The following GRIK4 variants were observed in gnomAD, a reference collection of about 807,000 sequenced individuals.
The protein encoded by GRIK4 is glutamate ionotropic receptor kainate type subunit 4.
GRIK4 carries 40 observed loss-of-function variants against 104.9 expected under a neutral mutation model. That is an observed-to-expected ratio of 0.38 (90% CI 0.30 to 0.50). The LOEUF (loss-of-function observed/expected upper bound fraction) is 0.50, where lower values mean the gene tolerates loss of function less well. Ranked by LOEUF, GRIK4 falls within the 20% of genes least tolerant of loss-of-function variation. The probability of loss-of-function intolerance (pLI) is 0.93; values close to 1 mark genes in which losing one functional copy is unlikely to be tolerated. For synonymous variants in GRIK4, 485 were observed against 524.9 expected, an observed-to-expected ratio of 0.92 and a Z score of 1.04; for missense variants, 1,047 against 1,308.1, an observed-to-expected ratio of 0.80 and a Z score of 3.08.
At chr11:120,596,022 T>G (rs1465536850) in intron 1 of GRIK4, among the ~76,000 whole-genome samples, 1 of 152,178 alleles carries the variant, frequency 6.6e-6, no homozygotes, top group Non-Finnish European at 1.5e-5. Flanking sequence ...AATTTTTGTA[T>G]TTTTAGTAGA....
chr11:120,740,770 C>T (rs149028686), intron 3 of GRIK4, among the ~76,000 whole-genome samples: 8 of 152,296 alleles, frequency 5.3e-5, no homozygotes, highest in Non-Finnish European at 8.8e-5. Flanking sequence ...GTGAGTGCCT[C>T]AGTTAGTGTA....
chr11:120,611,249 G>A (rs1949034397), intron 1 of GRIK4, among the ~76,000 whole-genome samples: 2 of 152,142 alleles, frequency 1.3e-5, no homozygotes, highest in African/African-American at 4.8e-5. Flanking sequence ...AGAGAGATTT[G>A]AATCCTAGCT....
At chr11:120,841,828 A>C (rs916016659) in intron 8 of GRIK4, among the ~76,000 whole-genome samples, 1 of 152,220 alleles carries the variant, frequency 6.6e-6, no homozygotes, top group Non-Finnish European at 1.5e-5. Context: ...TCAAGTAGTC[A>C]GATGTGTTTT....
At chr11:120,605,600 G>A (rs1178641140) in intron 1 of GRIK4, among the ~76,000 whole-genome samples, 1 of 152,202 alleles carries the variant, frequency 6.6e-6, no homozygotes. Flanking sequence ...ATTCTACATG[G>A]GTTGTGGTTC....
chr11:120,968,334 T>A (rs1944419024), intron 19 of GRIK4, among the ~76,000 whole-genome samples: 1 of 152,244 alleles, frequency 6.6e-6, no homozygotes, highest in African/African-American at 2.4e-5. Context: ...TGTCCTGGTT[T>A]AGACAATAAA....
At chr11:120,676,648 AACTC>A (rs1243885735) in intron 3 of GRIK4, among the ~76,000 whole-genome samples, 1 of 152,170 alleles carries the variant, frequency 6.6e-6, no homozygotes, top group Non-Finnish European at 1.5e-5. Context: ...TGAGAGCAAG[AACTC>A]ACTCACTGCA....
At chr11:120,532,868 T>C (rs1260582325) in intron 1 of GRIK4, among the ~76,000 whole-genome samples, 1 of 152,132 alleles carries the variant, frequency 6.6e-6, no homozygotes, top group Non-Finnish European at 1.5e-5. Context: ...GGGCAGTGCC[T>C]GGAGACTTAG....
chr11:120,512,368 C>T (rs1947672425), intron 1 of GRIK4, among the ~76,000 whole-genome samples: 1 of 151,674 alleles, frequency 6.6e-6, no homozygotes. Flanking sequence ...CCGGCTGCAG[C>T]CCCCCATCCC....
intron 1 of GRIK4, among the ~76,000 whole-genome samples, chr11:120,572,407 G>A (rs891507425): frequency 7.9e-5 from 12 of 152,174 alleles, no homozygotes; most frequent in African/African-American, 2.7e-4. Context: ...GTAGAGCGTT[G>A]CGGAGAAGAT....
At chr11:120,688,984 C>T (rs558928083) in intron 3 of GRIK4, among the ~76,000 whole-genome samples, 7 of 152,222 alleles carry the variant, frequency 4.6e-5, no homozygotes, top group South Asian at 4.1e-4. Flanking sequence ...TCCTACCCTT[C>T]AGGACTTCAC....
chr11:120,833,961 T>G (rs1311822606), intron 7 of GRIK4, among the ~76,000 whole-genome samples: 1 of 152,252 alleles, frequency 6.6e-6, no homozygotes, highest in East Asian at 1.9e-4. Flanking sequence ...TCCCATAATT[T>G]ATTTAACCAT....
At chr11:120,679,447 CA>C (rs1376792104) in intron 3 of GRIK4, among the ~76,000 whole-genome samples, 1 of 152,226 alleles carries the variant, frequency 6.6e-6, no homozygotes, top group South Asian at 2.1e-4. Flanking sequence ...CAGTGTTTTG[CA>C]GCCCACTGGG....
intron 3 of GRIK4, among the ~76,000 whole-genome samples, chr11:120,706,755 G>A (rs1950637839): frequency 2.0e-5 from 3 of 152,226 alleles, no homozygotes; most frequent in Admixed American, 2.0e-4. Flanking sequence ...AGACCAAGCT[G>A]TGAGTAGGGA....
chr11:120,629,850 A>T (rs1437881490), intron 1 of GRIK4, among the ~76,000 whole-genome samples: 1 of 152,160 alleles, frequency 6.6e-6, no homozygotes, highest in African/African-American at 2.4e-5. Flanking sequence ...CCCCCTCGGG[A>T]ATCTGACATT....
intron 8 of GRIK4, among the ~76,000 whole-genome samples, chr11:120,844,004 T>C (rs1399901203): frequency 6.6e-6 from 1 of 152,184 alleles, no homozygotes; most frequent in African/African-American, 2.4e-5. Flanking sequence ...GCAGAATGGA[T>C]ATATGCAGCC....
chr11:120,759,154 T>C (rs1279385558), intron 3 of GRIK4, among the ~76,000 whole-genome samples: 1 of 152,170 alleles, frequency 6.6e-6, no homozygotes, highest in Non-Finnish European at 1.5e-5. Flanking sequence ...TAGTAGAAGT[T>C]AGCCAGGCAA....
At chr11:120,943,913 AAG>A (rs1943788950) in intron 14 of GRIK4, among the ~76,000 whole-genome samples, 1 of 152,244 alleles carries the variant, frequency 6.6e-6, no homozygotes, top group Non-Finnish European at 1.5e-5. Flanking sequence ...CCAGCGATCC[AAG>A]ATTATCTAGG....
In GRIK4 at chr11:120,962,522, G is replaced by C; in HGVS notation, c.2107G>C (p.Val703Leu). ...YMYSKQPSVF[V>L]KSTEEGIARV... ...GTATTCCAAGCAGCCCAGCGTGTTC[G>C]TGAAGAGCACAGAGGAGGGAATCGC... The change falls in exon 18 of 21, where the codon GTG (valine) becomes CTG (leucine). Residue 703 changes from valine to leucine, a missense_variant. Physicochemically the swap from Val to Leu is conservative, Grantham distance 32. Transcript: ENST00000527524. 1 of 1,614,074 alleles carries C rather than the reference G, an allele frequency of 6.2e-7. No individual in the cohort carries two copies. The highest frequency in any genetic ancestry group is 8.5e-7 in the Non-Finnish European group (1 of 1,179,968).
intron 13 of GRIK4, among the ~76,000 whole-genome samples, chr11:120,909,552 A>G (rs533634575): frequency 1.8e-3 from 277 of 152,262 alleles, no homozygotes; most frequent in African/African-American, 6.2e-3. Flanking sequence ...TGGGGAAGAA[A>G]GAGAATGTGT....
Sources: allele counts gnomAD v4.1 joint callset (sites outside exome capture counted in the v4.1 genomes callset), GRCh38; gene constraint gnomAD v4.1.1; transcripts MANE v1.5; gene names NCBI Gene and HGNC (gene_info 2026-07-23, HGNC 2026-07-21).